Variants in YWHAE observed in about 807,000 individuals in gnomAD.
YWHAE encodes 14-3-3 protein epsilon.
Under a neutral mutation model 30.1 loss-of-function variants are expected in YWHAE, and 4 were observed. The ratio of observed to expected loss-of-function variants is 0.13; its 90% CI spans 0.07 to 0.30. The LOEUF is 0.30. Ranked by LOEUF, YWHAE falls within the 10% of genes least tolerant of loss-of-function variation. The pLI, the probability that YWHAE is intolerant of heterozygous loss-of-function variation, is 1.00. For synonymous variants in YWHAE, 118 were observed against 111.8 expected (o/e 1.06, Z -0.35); for missense variants, 121 against 315.9 (o/e 0.38, Z 4.68).
At chr17:1,394,733 G>A (rs1461443370) in intron 1 of YWHAE, among the ~76,000 whole-genome samples, 1 of 152,136 alleles carries the variant, frequency 6.6e-6, no homozygotes, top group East Asian at 1.9e-4. Context: ...TTGGGAGGCT[G>A]AGGCGGGAGG....
At chr17:1,381,952 G>GA (rs933827229) in intron 1 of YWHAE, among the ~76,000 whole-genome samples, 196 of 145,292 alleles carry the variant, frequency 1.3e-3, no homozygotes, top group African/African-American at 4.2e-3. Flanking sequence ...GACAGAAAAG[G>GA]AAAAAAAAAC....
intron 1 of YWHAE, among the ~76,000 whole-genome samples, chr17:1,382,111 C>T (rs2073220386): frequency 6.6e-6 from 1 of 152,086 alleles, no homozygotes; most frequent in Middle Eastern, 3.4e-3. Context: ...TGCAGTGGCG[C>T]AATCTCGGCT....
At position 1,364,967 on chromosome 17, in the gene YWHAE, C is replaced by A; in HGVS notation, c.156G>T (p.Val52=). Residue 52 remains valine, a synonymous_variant, in exon 2 of 6, where the codon GTG becomes GTT. Coordinates refer to ENST00000264335, the MANE Select transcript of YWHAE (RefSeq NM_006761.5). ...RNLLSVAYKN[V]IGARRASWRI... ...TCCAGGAGGCTCTTCTAGCTCCAAT[C>A]ACATTCTTATATGCAACAGATAGGA... 1 of 1,614,162 alleles carries A rather than the reference C, an allele frequency of 6.2e-7. No individual in the cohort carries two copies. The highest frequency in any genetic ancestry group is 8.5e-7 in the Non-Finnish European group (1 of 1,180,024).
intron 4 of YWHAE, among the ~76,000 whole-genome samples, chr17:1,355,148 A>T (rs12941424): frequency 1.6e-3 from 123 of 76,760 alleles, no homozygotes; most frequent in African/African-American, 1.9e-3. Context: ...AAAAAAAAAA[A>T]TTTTTTTTTT....
At chr17:1,390,873 G>A (rs1377444263) in intron 1 of YWHAE, among the ~76,000 whole-genome samples, 1 of 152,094 alleles carries the variant, frequency 6.6e-6, no homozygotes, top group East Asian at 1.9e-4. Flanking sequence ...AAAAATTTCA[G>A]AAGAGATAAG....
intron 1 of YWHAE, among the ~76,000 whole-genome samples, chr17:1,389,955 T>TGC (rs1449226328): frequency 6.6e-6 from 1 of 152,162 alleles, no homozygotes; most frequent in African/African-American, 2.4e-5. Flanking sequence ...GCAAACCTCC[T>TGC]GCCTCAGCCT....
At chr17:1,364,023 G>A (rs2072904681) in intron 2 of YWHAE, among the ~76,000 whole-genome samples, 1 of 152,098 alleles carries the variant, frequency 6.6e-6, no homozygotes, top group Non-Finnish European at 1.5e-5. Flanking sequence ...ATTGTTAAAC[G>A]TTCTCTGAAG....
chr17:1,396,194 C>T (rs900466650), intron 1 of YWHAE, among the ~76,000 whole-genome samples: 7 of 151,854 alleles, frequency 4.6e-5, no homozygotes, highest in Non-Finnish European at 8.8e-5. Flanking sequence ...CTGAGGTGGG[C>T]GGATCACCTG....
intron 4 of YWHAE, among the ~76,000 whole-genome samples, chr17:1,358,234 A>G (rs576647311): frequency 1.3e-5 from 2 of 151,928 alleles, no homozygotes; most frequent in Admixed American, 6.6e-5. Flanking sequence ...ACAAAACAAA[A>G]CAACAAAAAA....
chr17:1,361,047 C>T (rs771454669), intron 4 of YWHAE, 45 bp downstream of exon 4: 3 of 1,564,730 alleles, frequency 1.9e-6, no homozygotes, highest in African/African-American at 2.7e-5. Context: ...ACAGCGCCCC[C>T]CTTAACTTTC....
chr17:1,389,162 C>T (rs906863424), intron 1 of YWHAE, among the ~76,000 whole-genome samples: 1 of 151,520 alleles, frequency 6.6e-6, no homozygotes, highest in Non-Finnish European at 1.5e-5. Context: ...AACAGGGTCT[C>T]ACTATGTTGC....
At chr17:1,372,674 CACAA>C (rs1399251342) in intron 1 of YWHAE, among the ~76,000 whole-genome samples, 1 of 152,108 alleles carries the variant, frequency 6.6e-6, no homozygotes, top group Non-Finnish European at 1.5e-5. Context: ...GGAGTCAGAA[CACAA>C]ACAAGAGCTC....
intron 2 of YWHAE, 92 bp downstream of exon 2, chr17:1,364,767 T>C (rs1163609497): frequency 1.5e-6 from 2 of 1,367,946 alleles, no homozygotes; most frequent in Non-Finnish European, 2.0e-6. Context: ...GTTATATGAA[T>C]GTAGTCTCCT....
At chr17:1,378,716 G>T (rs1299218618) in intron 1 of YWHAE, among the ~76,000 whole-genome samples, 1 of 152,190 alleles carries the variant, frequency 6.6e-6, no homozygotes, top group Admixed American at 6.5e-5. Context: ...AGGCCAAGGC[G>T]GGTGGATCAC....
chr17:1,374,167 G>C (rs2073090145), intron 1 of YWHAE, among the ~76,000 whole-genome samples: 1 of 151,738 alleles, frequency 6.6e-6, no homozygotes, highest in African/African-American at 2.4e-5. Flanking sequence ...ACAAAAATTA[G>C]GCTGCCATGA....
intron 1 of YWHAE, among the ~76,000 whole-genome samples, chr17:1,379,896 T>C (rs779039588): frequency 5.3e-5 from 8 of 152,204 alleles, no homozygotes; most frequent in African/African-American, 9.7e-5. Flanking sequence ...AGAACCAGAA[T>C]GCTGTAAACA....
intron 5 of YWHAE, among the ~76,000 whole-genome samples, chr17:1,351,394 AACAC>A (rs1006198453): frequency 1.3e-5 from 2 of 151,912 alleles, no homozygotes; most frequent in Non-Finnish European, 2.9e-5. Flanking sequence ...AAAAAAATAA[AACAC>A]ACACACAGAA....
intron 1 of YWHAE, among the ~76,000 whole-genome samples, chr17:1,398,040 A>G (rs2073500705): frequency 1.3e-5 from 2 of 152,200 alleles, no homozygotes; most frequent in Admixed American, 1.3e-4. Context: ...GGAAACTACA[A>G]TCACAAGCTT....
chr17:1,363,758 C>T (rs1479433280), intron 2 of YWHAE, among the ~76,000 whole-genome samples: 1 of 152,208 alleles, frequency 6.6e-6, no homozygotes, highest in African/African-American at 2.4e-5. Context: ...GAGTCAGTAA[C>T]TGTGGTTCCC....
Sources: gnomAD v4.1 joint callset for allele counts (sites outside exome capture counted in the v4.1 genomes callset) on GRCh38, gnomAD v4.1.1 for gene constraint, MANE v1.5 for transcripts, NCBI Gene and HGNC (gene_info 2026-07-23, HGNC 2026-07-21) for gene names.